The following VPS13D variants were observed in gnomAD, a reference collection of about 807,000 sequenced individuals.
VPS13D encodes vacuolar protein sorting 13 homolog D.
In VPS13D, 187 loss-of-function variants were observed where a neutral mutation model predicts 461.9. The observed-to-expected ratio is 0.40, with a 90% CI of 0.36 to 0.46. VPS13D has a LOEUF of 0.46. Among genes scored for constraint, VPS13D ranks in the 20% least tolerant of loss-of-function variants. The pLI is 0.60. For missense variants in VPS13D, 4,711 were observed against 5,364.9 expected (o/e 0.88, Z 3.81); for synonymous variants, 1,951 against 1,986.3 (o/e 0.98, Z 0.47).
intron 65 of VPS13D, among the ~76,000 whole-genome samples, chr1:12,434,983 G>C (rs889011982): frequency 6.6e-6 from 1 of 152,146 alleles, no homozygotes; most frequent in African/African-American, 2.4e-5. Context: ...GGCTTGTCAG[G>C]CTTGCCATGC....
intron 65 of VPS13D, among the ~76,000 whole-genome samples, chr1:12,439,192 C>T (rs151289832): frequency 3.3e-5 from 5 of 152,234 alleles, no homozygotes; most frequent in East Asian, 1.9e-4. Context: ...ACGAAGCCCA[C>T]GAGGTCAGCC....
At chr1:12,408,873 C>CTG (rs1644688072) in intron 63 of VPS13D, among the ~76,000 whole-genome samples, 1 of 152,166 alleles carries the variant, frequency 6.6e-6, no homozygotes, top group Admixed American at 6.5e-5. Context: ...CTGCCTATTT[C>CTG]TGTTTTCGTT....
chr1:12,503,713 A>T (rs964331626), intron 68 of VPS13D, among the ~76,000 whole-genome samples: 2 of 152,112 alleles, frequency 1.3e-5, no homozygotes, highest in African/African-American at 2.4e-5. Flanking sequence ...GAACAGAAGG[A>T]GTTTGCTCAG....
intron 45 of VPS13D, 95 bp from the exon 46 acceptor site, chr1:12,349,069 C>T: frequency 6.2e-7 from 1 of 1,607,716 alleles, no homozygotes; most frequent in Admixed American, 1.7e-5. Context: ...CCCCAGCAGT[C>T]AGTATATATG....
At chr1:12,360,027 C>T (rs11804828) in intron 50 of VPS13D, among the ~76,000 whole-genome samples, 2 of 152,306 alleles carry the variant, frequency 1.3e-5, no homozygotes, top group Non-Finnish European at 2.9e-5. Flanking sequence ...GCAGCTAGCA[C>T]TAAGAACCAC....
In VPS13D at chr1:12,319,619, T is replaced by C; in HGVS notation, c.7537T>C (p.Phe2513Leu). 1 of 1,614,194 alleles carries C rather than the reference T, an allele frequency of 6.2e-7. No individual in the cohort carries two copies. Among genetic ancestry groups the C allele is most frequent in the Non-Finnish European group, 8.5e-7 (1 of 1,180,022 alleles). The change falls in exon 32 of 70, where the codon TTT becomes CTT. Residue 2513 changes from phenylalanine (F) to leucine (L), a missense_variant. Physicochemically the swap from Phe to Leu is conservative, Grantham distance 22 (BLOSUM62 0). Around this residue, in one of 3 missense-constraint regions of VPS13D, gnomAD observed 4,411 missense variants for 4,937.8 expected, o/e 0.89. Coordinates refer to ENST00000620676, the MANE Select transcript of VPS13D (RefSeq NM_015378.4). ...TGATCGCCCCTTTTCAGGAAGTTTG[T>C]TTGGCATTGAGGTAAGAAGTCTATG... Reference protein sequence around the residue: ...FVDRPFSGSLFGIEVFSCRLG... With the variant: ...FVDRPFSGSLLGIEVFSCRLG...
intron 60 of VPS13D, among the ~76,000 whole-genome samples, chr1:12,393,925 C>T (rs370949845): frequency 6.6e-6 from 1 of 152,144 alleles, no homozygotes; most frequent in Non-Finnish European, 1.5e-5. Flanking sequence ...ATTACTTGAC[C>T]TCCATAAGCC....
intron 66 of VPS13D, among the ~76,000 whole-genome samples, chr1:12,459,831 A>T (rs991539897): frequency 1.3e-5 from 2 of 150,882 alleles, no homozygotes; most frequent in Non-Finnish European, 3.0e-5. Context: ...CGAAGGCCCA[A>T]TTTTCTAGTC....
chr1:12,243,495 A>C (rs1426045131), intron 3 of VPS13D, among the ~76,000 whole-genome samples: 1 of 152,174 alleles, frequency 6.6e-6, no homozygotes, highest in African/African-American at 2.4e-5. Flanking sequence ...GTTGTCATTA[A>C]AAATACCATT....
intron 60 of VPS13D, 152 bp from the exon 61 acceptor site, chr1:12,400,029 G>T: frequency 1.3e-6 from 1 of 742,090 alleles, no homozygotes; most frequent in Non-Finnish European, 2.1e-6. Flanking sequence ...TATTATGACT[G>T]CCCTTTTGTG....
At position 12,433,259 on chromosome 1, in the gene VPS13D, A is replaced by G. The variant is rs201502694; in HGVS notation, c.12333+16432A>G. Among the ~76,000 whole-genome samples, 1,200 of 134,344 alleles carry G rather than the reference A, an allele frequency of 8.9e-3. 19 individuals carry two copies. The highest frequency in any genetic ancestry group is 0.03 in the African/African-American group (1,058 of 35,698). The allele number at this position is 134,344 out of a possible 152,430, so 88.1% of individuals were successfully genotyped here. On this transcript the variant is annotated intron_variant, in intron 65 of 69. Transcript: ENST00000620676. The stretch of plus-strand genomic sequence containing the variant: ...TCGCTTTAATCTGGAACGCTTGGGG[A>G]AAAAAAAAAAACAAAAAAACAAAAA...
intron 18 of VPS13D, among the ~76,000 whole-genome samples, chr1:12,273,447 G>A (rs1641513112): frequency 1.3e-5 from 2 of 152,074 alleles, no homozygotes; most frequent in South Asian, 2.1e-4. Context: ...TGTATAGTGC[G>A]GTTGTTTTTG....
chr1:12,503,388 G>A (rs1646060403), intron 68 of VPS13D, among the ~76,000 whole-genome samples: 1 of 151,090 alleles, frequency 6.6e-6, no homozygotes, highest in Non-Finnish European at 1.5e-5. Context: ...CTCACTATGT[G>A]GCCCAGGATG....
intron 65 of VPS13D, among the ~76,000 whole-genome samples, chr1:12,423,986 A>G (rs1271620036): frequency 6.6e-6 from 1 of 152,234 alleles, no homozygotes; most frequent in Non-Finnish European, 1.5e-5. Context: ...TATGACTTGT[A>G]TCTGTTTTTG....
intron 43 of VPS13D, 152 bp from the exon 44 acceptor site, chr1:12,346,453 T>A (rs1643678714): frequency 2.9e-6 from 2 of 694,076 alleles, no homozygotes; most frequent in Admixed American, 3.2e-5. Context: ...TCCATATCTT[T>A]AAGAGGAGAT....
intron 6 of VPS13D, 194 bp downstream of exon 6, chr1:12,249,533 A>G: frequency 2.2e-6 from 1 of 450,462 alleles, no homozygotes; most frequent in Non-Finnish European, 3.9e-6. Context: ...ATTTTCTCTG[A>G]CCTTTGGTTA....
intron 38 of VPS13D, among the ~76,000 whole-genome samples, chr1:12,334,775 A>G (rs1208705796): frequency 1.3e-5 from 2 of 152,184 alleles, no homozygotes; most frequent in South Asian, 2.1e-4. Context: ...TAAGAAACCA[A>G]CCAAACAAAA....
Position 12,400,303 on chromosome 1 carries a change from T to TA in VPS13D, c.11759dup (p.Ser3921GlufsTer22). On this transcript the variant is annotated frameshift_variant, in exon 61 of 70. Coordinates refer to ENST00000620676, the MANE Select transcript of VPS13D (RefSeq NM_015378.4). LOFTEE classifies it high-confidence loss of function. ...AAGTCAACGCAGTGAAGTTCCCCAG[T>TA]AAGAGTGCACTGACCAACATCTACA... 1.9e-6 allele frequency: 3 copies of TA among 1,614,078 alleles called. No individual in the cohort carries two copies. The highest frequency in any genetic ancestry group is 2.5e-6 in the Non-Finnish European group (3 of 1,179,996).
At chr1:12,471,638 C>G (rs1645564515) in intron 67 of VPS13D, among the ~76,000 whole-genome samples, 2 of 152,134 alleles carry the variant, frequency 1.3e-5, no homozygotes, top group African/African-American at 4.8e-5. Context: ...CCCCATTTTT[C>G]AGTACAGTTA....
Sources: gnomAD v4.1 joint callset for allele counts (sites outside exome capture counted in the v4.1 genomes callset) on GRCh38, gnomAD v4.1.1 for gene constraint, gnomAD v4.1.1 regional missense constraint, MANE v1.5 for transcripts, NCBI Gene and HGNC (gene_info 2026-07-23, HGNC 2026-07-21) for gene names.